Variants in LENG9 observed in about 807,000 individuals in gnomAD.
LENG9 encodes leukocyte receptor cluster member 9.
For missense variants in LENG9, 872 were observed against 652.7 expected, an observed-to-expected ratio of 1.34 and a Z score of -3.66; for synonymous variants, 410 against 303.9, an observed-to-expected ratio of 1.35 and a Z score of -3.63.
In LENG9 at chr19:54,463,203, C is replaced by T. The variant is rs112087281; in HGVS notation, c.324G>A (p.Gln108=). The change falls in exon 1 of 1, where the codon CAG becomes CAA. Residue 108 remains glutamine (Q), a synonymous_variant. Coordinates refer to ENST00000611161, the MANE Select transcript of LENG9 (RefSeq NM_001301782.2). The part of the protein sequence containing the change: ...EEPFSAFCWD[Q]PLAALGPGVL... ...CGCCCGGCCCGAGCGCCGCCAGCGG[C>T]TGGTCCCAGCAAAAGGCGCTGAAGG... is the stretch of plus-strand genomic sequence containing the variant. 1.4e-3 allele frequency: 2,206 copies of T among 1,558,640 alleles called. 25 individuals are homozygous for T. In the African/African-American group the frequency reaches 0.026, roughly 18 times the overall value.
chr19:54,462,733 C>G lies in LENG9; in HGVS notation c.794G>C (p.Gly265Ala). The change falls in exon 1 of 1, where the codon GGC becomes GCC. Residue 265 changes from glycine to alanine, a missense_variant. By Grantham distance (60) the Gly-to-Ala change is moderately conservative. Transcript: ENST00000611161. The part of the protein sequence containing the change: ...KEAQALGVPG[G>A]SAETTEAEWG... Reference sequence around the variant, plus strand: ...CTCGGCTTCTGTCGTCTCAGCGGAGCCCCCCGGGACTCCCAGGGCCTGTGC... The same window carrying G: ...CTCGGCTTCTGTCGTCTCAGCGGAGGCCCCCGGGACTCCCAGGGCCTGTGC... The G allele has an allele frequency of 6.2e-7, 1 of 1,610,528 alleles. No homozygotes were observed. Among genetic ancestry groups the G allele is most frequent in the Non-Finnish European group, 8.5e-7 (1 of 1,179,978 alleles).
rs2084670878 is a variant in LENG9 at position 54,463,519 on chromosome 19, G to A, written c.8C>T (p.Ala3Val). The change falls in exon 1 of 1, where the codon GCG becomes GTG. Residue 3 changes from alanine (A) to valine (V), a missense_variant. Transcript: ENST00000611161. ...CTGCGGCAACTCCGGCTCTCTGGCC[G>A]CTGCCATGGGTGCGGGGAACTGGCA... Reference protein sequence around the residue: MAAAREPELPQEA... With the variant: MAVAREPELPQEA... 2.2e-6 allele frequency: 3 copies of A among 1,359,670 alleles called. No individual in the cohort carries two copies. The highest frequency in any genetic ancestry group is 2.8e-6 in the Non-Finnish European group (3 of 1,053,062). 84.2% of individuals were successfully genotyped at this position (1,359,670 alleles called of 1,614,324 possible).
chr19:54,462,920 G>A lies in LENG9; in HGVS notation c.607C>T (p.Pro203Ser). 6.2e-7 allele frequency: 1 copy of A among 1,612,442 alleles called. No individual in the cohort carries two copies. The highest frequency in any genetic ancestry group is 2.2e-5 in the East Asian group (1 of 44,850). The change falls in exon 1 of 1, where the codon CCA becomes TCA. Residue 203 changes from proline to serine, a missense_variant. Coordinates refer to ENST00000611161, the MANE Select transcript of LENG9 (RefSeq NM_001301782.2). ...TRPLCTGHQE[P>S]GVEEPGELEA... is the part of the protein sequence containing the mutation. ...AGCTCTCCGGGTTCCTCCACGCCTG[G>A]TTCCTGGTGCCCTGTGCAGAGCGGC...
chr19:54,463,753 G>T lies in LENG9; in HGVS notation c.-227C>A. 1.9e-6 allele frequency: 1 copy of T among 523,132 alleles called. No homozygotes were observed. Among genetic ancestry groups the T allele is most frequent in the Non-Finnish European group, 2.9e-6 (1 of 340,814 alleles). The allele number at this position is 523,132 out of a possible 1,614,324, so 32.4% of individuals were successfully genotyped here. A position where few individuals can be genotyped will look rare whatever the true frequency, so the allele number is the denominator to read the frequency against. ...GACTTCCCGGCTGCGCCCTCCCCCA[G>T]CGCCAGGAAAGCAAGCTGCGTAAAG... On this transcript the variant is annotated 5_prime_UTR_variant, in exon 1 of 1. In the 5' UTR this introduces an upstream ATG that the reference lacks. Transcript: ENST00000611161.
At position 54,463,560 on chromosome 19, in the gene LENG9, C is replaced by G; in HGVS notation, c.-34G>C. ...GGAACTGGCACGCCCGCCGCGCAGACGAGGTCGCCCCGCACGGAGGGCGGC... is the reference window on the plus strand; with the variant it reads ...GGAACTGGCACGCCCGCCGCGCAGAGGAGGTCGCCCCGCACGGAGGGCGGC... On this transcript the variant is annotated 5_prime_UTR_variant, in exon 1 of 1. Coordinates refer to ENST00000611161, the MANE Select transcript of LENG9 (RefSeq NM_001301782.2). 3 of 1,376,946 alleles carry G rather than the reference C, an allele frequency of 2.2e-6. No individual in the cohort carries two copies. The highest frequency in any genetic ancestry group is 2.8e-6 in the Non-Finnish European group (3 of 1,060,044). The allele number at this position is 1,376,946 out of a possible 1,614,324, so 85.3% of individuals were successfully genotyped here. A position where few individuals can be genotyped will look rare whatever the true frequency, so the allele number is the denominator to read the frequency against.
Position 54,462,470 on chromosome 19 carries a change from C to T in LENG9, c.1057G>A (p.Glu353Lys). 1.2e-6 allele frequency: 2 copies of T among 1,613,424 alleles called. No individual in the cohort carries two copies. The highest frequency in any genetic ancestry group is 3.3e-5 in the Admixed American group (2 of 60,032). ...CTCAGAGCTCCAATGGCAGCGGCCT[C>T]CTCCCCAGCGCCTGCCAGTCGCAGC... ...ALLRLAGAGE[E>K]AAAIGALRRA... is the part of the protein sequence containing the mutation. The change falls in exon 1 of 1, where the codon GAG becomes AAG. Residue 353 changes from glutamate (E) to lysine (K), a missense_variant. Coordinates refer to ENST00000611161, the MANE Select transcript of LENG9 (RefSeq NM_001301782.2).
In LENG9 at chr19:54,463,059, G is replaced by A. The variant is rs2084647459; in HGVS notation, c.468C>T (p.Pro156=). 6.2e-7 allele frequency: 1 copy of A among 1,601,768 alleles called. No individual in the cohort carries two copies. The highest frequency in any genetic ancestry group is 8.5e-7 in the Non-Finnish European group (1 of 1,179,118). The change falls in exon 1 of 1, where the codon CCC becomes CCT. Residue 156 remains proline (P), a synonymous_variant. Transcript: ENST00000611161. ...CGGTGTTCGGTGCGTCCAGGATGGTGGGCCCGCGTCCCGCCGCCGAGCCAG... is the reference window on the plus strand; with the variant it reads ...CGGTGTTCGGTGCGTCCAGGATGGTAGGCCCGCGTCCCGCCGCCGAGCCAG... ...FGSGSAAGRG[P]TILDAPNTEG... is the part of the protein sequence containing the mutation.
At position 54,462,541 on chromosome 19, in the gene LENG9, G is replaced by C. The variant is rs780184747; in HGVS notation, c.986C>G (p.Ala329Gly). 1.2e-6 allele frequency: 2 copies of C among 1,613,672 alleles called. No individual in the cohort carries two copies. The highest frequency in any genetic ancestry group is 3.3e-5 in the Admixed American group (2 of 60,032). The change falls in exon 1 of 1, where the codon GCC becomes GGC. Residue 329 changes from alanine to glycine, a missense_variant. Transcript: ENST00000611161. ...GTTCTGAGAGGGCACTAGGAAGTTG[G>C]CGCAGTGTGGGGCCACGTGGACCAG... ...EYLVHVAPHC[A>G]NFLVPSQNLH...
chr19:54,462,988 G>C lies in LENG9; in HGVS notation c.539C>G (p.Thr180Arg), dbSNP rs1471850143. The change falls in exon 1 of 1, where the codon ACA (threonine) becomes AGA (arginine). Residue 180 changes from threonine (T) to arginine (R), a missense_variant. Thr to Arg is a moderately conservative substitution (Grantham distance 71). Transcript: ENST00000611161. The part of the protein sequence containing the change: ...AEGAEWTLAG[T>R]GQEAQAAPKR... ...GGGGGCAGCCTGGGCCTCCTGACCT[G>C]TCCCCGCCAGTGTCCACTCGGCACC... The C allele has an allele frequency of 6.2e-7, 1 of 1,603,914 alleles. No homozygotes were observed. Among genetic ancestry groups the C allele is most frequent in the African/African-American group, 1.3e-5 (1 of 75,026 alleles).
At position 54,462,446 on chromosome 19, in the gene LENG9, T is replaced by A. The variant is rs781374579; in HGVS notation, c.1081A>T (p.Arg361Ter). The A allele has an allele frequency of 6.2e-7, 1 of 1,613,544 alleles. No individual in the cohort carries two copies. Among genetic ancestry groups the A allele is most frequent in the South Asian group, 1.1e-5 (1 of 91,082 alleles). The change falls in exon 1 of 1, where the codon AGA (arginine) becomes TGA (stop). Residue 361 changes from arginine (R) to a stop codon, truncating the protein, a stop_gained. Transcript: ENST00000611161. LOFTEE classifies it low-confidence loss of function (END_TRUNC). ...AGCCCCGGGGCCAAGAGGGCCCGTC[T>A]CAGAGCTCCAATGGCAGCGGCCTCC... ...GEEAAAIGAL[R>*]RALLAPGLNA...
In LENG9 at chr19:54,461,802, G is replaced by A. The variant is rs1237993149; in HGVS notation, c.*288C>T. On this transcript the variant is annotated 3_prime_UTR_variant, in exon 1 of 1. Transcript: ENST00000611161. ...CTTCCTCCTCTCCCTTTTCTTTTTG[G>A]CCCTCCCTCCCTCCCTCTTCTGCCA... The A allele has an allele frequency of 4.8e-6, 3 of 624,696 alleles. No individual in the cohort carries two copies. Among genetic ancestry groups the A allele is most frequent in the Non-Finnish European group, 9.2e-6 (3 of 327,312 alleles). The allele number at this position is 624,696 out of a possible 1,614,324, so 38.7% of individuals were successfully genotyped here.
In LENG9 at chr19:54,462,470, C is replaced by G. The variant is rs758182439; in HGVS notation, c.1057G>C (p.Glu353Gln). 1.9e-6 allele frequency: 3 copies of G among 1,613,306 alleles called. No individual in the cohort carries two copies. In the African/African-American group the frequency reaches 4.0e-5, roughly 22 times the overall value. ...CTCAGAGCTCCAATGGCAGCGGCCTCCTCCCCAGCGCCTGCCAGTCGCAGC... is the reference window on the plus strand; with the variant it reads ...CTCAGAGCTCCAATGGCAGCGGCCTGCTCCCCAGCGCCTGCCAGTCGCAGC... ...ALLRLAGAGE[E>Q]AAAIGALRRA... Residue 353 changes from glutamate to glutamine, a missense_variant, in exon 1 of 1, where the codon GAG becomes CAG. Glu to Gln is a conservative substitution (Grantham distance 29). Transcript: ENST00000611161.
rs202206879 is a variant in LENG9, at chr19:54,463,355, C to G, written c.172G>C (p.Gly58Arg). The G allele has an allele frequency of 6.6e-6, 9 of 1,370,636 alleles. No homozygotes were observed. Among genetic ancestry groups the G allele is most frequent in the Non-Finnish European group, 6.6e-6 (7 of 1,064,548 alleles). 84.9% of individuals were successfully genotyped at this position (1,370,636 alleles called of 1,614,324 possible). ...PPGREAQPEA[G>R]AKKPPLRTAA... is the part of the protein sequence containing the mutation. ...GTGCGCAGCGGCGGCTTCTTGGCCC[C>G]GGCCTCCGGCTGCGCCTCGCGGCCA... The change falls in exon 1 of 1, where the codon GGG (glycine) becomes CGG (arginine). Residue 58 changes from glycine to arginine, a missense_variant. Transcript: ENST00000611161.
Position 54,463,580 on chromosome 19 carries a change from G to T in LENG9, c.-54C>A. The T allele has an allele frequency of 7.4e-7, 1 of 1,350,586 alleles. No individual in the cohort carries two copies. The highest frequency in any genetic ancestry group is 1.7e-5 in the South Asian group (1 of 59,532). The allele number at this position is 1,350,586 out of a possible 1,614,324, so 83.7% of individuals were successfully genotyped here. ...GCAGACGAGGTCGCCCCGCACGGAG[G>T]GCGGCTCCCCTTGGATGCACCGAGC... On this transcript the variant is annotated 5_prime_UTR_variant, in exon 1 of 1. Transcript: ENST00000611161.
rs1195150495 is a variant in LENG9 at position 54,462,919 on chromosome 19, G to GTGCACCCACAGGGCACCCAC, written c.607_608insGTGGGTGCCCTGTGGGTGCA (p.Pro203ArgfsTer42). 6.2e-7 allele frequency: 1 copy of GTGCACCCACAGGGCACCCAC among 1,612,448 alleles called. No individual in the cohort carries two copies. The highest frequency in any genetic ancestry group is 1.1e-5 in the South Asian group (1 of 91,082). On this transcript the variant is annotated frameshift_variant, in exon 1 of 1. Transcript: ENST00000611161. LOFTEE classifies it low-confidence loss of function (END_TRUNC). ...CAGCTCTCCGGGTTCCTCCACGCCT[G>GTGCACCCACAGGGCACCCAC]GTTCCTGGTGCCCTGTGCAGAGCGG...
Position 54,463,725 on chromosome 19 carries a change from T to C in LENG9, c.-199A>G. On this transcript the variant is annotated 5_prime_UTR_variant, in exon 1 of 1. Transcript: ENST00000611161. The stretch of plus-strand genomic sequence containing the variant: ...GGTGGAGAGCCTGACACCGCTGCTC[T>C]GGGACTTCCCGGCTGCGCCCTCCCC... 1 of 679,090 alleles carries C rather than the reference T, an allele frequency of 1.5e-6. No individual in the cohort carries two copies. The highest frequency in any genetic ancestry group is 2.1e-6 in the Non-Finnish European group (1 of 479,586). The allele number at this position is 679,090 out of a possible 1,614,324, so 42.1% of individuals were successfully genotyped here.
Position 54,461,880 on chromosome 19 carries a change from T to C in LENG9, c.*210A>G. ...GCAAACAGCTGGACTGTCAGGCTGC[T>C]TTTTTTCCAGATGTTCCTCCTCTGC... On this transcript the variant is annotated 3_prime_UTR_variant, in exon 1 of 1. Coordinates refer to ENST00000611161, the MANE Select transcript of LENG9 (RefSeq NM_001301782.2). 1 of 716,524 alleles carries C rather than the reference T, an allele frequency of 1.4e-6. No homozygotes were observed. The highest frequency in any genetic ancestry group is 2.6e-6 in the Non-Finnish European group (1 of 390,142). 44.4% of individuals were successfully genotyped at this position (716,524 alleles called of 1,614,324 possible). A position where few individuals can be genotyped will look rare whatever the true frequency, so the allele number is the denominator to read the frequency against.
In LENG9 at chr19:54,462,424, C is replaced by T. The variant is rs935120097; in HGVS notation, c.1103G>A (p.Gly368Glu). The T allele has an allele frequency of 9.3e-6, 15 of 1,613,484 alleles. No homozygotes were observed. The South Asian group carries it at 1.2e-4, about 13-fold the overall frequency. ...GCTCAGCCGAGGGGGTGCATTTAGC[C>T]CCGGGGCCAAGAGGGCCCGTCTCAG... ...GALRRALLAPGLNAPPRLSFR... is the reference protein window; with the variant it reads ...GALRRALLAPELNAPPRLSFR... The change falls in exon 1 of 1, where the codon GGG (glycine) becomes GAG (glutamate). Residue 368 changes from glycine to glutamate, a missense_variant. Physicochemically the swap from Gly to Glu is moderately conservative, Grantham distance 98. Transcript: ENST00000611161.
At position 54,462,173 on chromosome 19, in the gene LENG9, G is replaced by A. The variant is rs369357152; in HGVS notation, c.1354C>T (p.Gln452Ter). ...EFTLSQEVGCQPLQTLWLCRI... is the reference protein window; with the variant it reads ...EFTLSQEVGC ...CACAGCCAGAGTGTCTGCAGGGGCTGGCACCCCACTTCCTGGCTGAGGGTG... is the reference window on the plus strand; with the variant it reads ...CACAGCCAGAGTGTCTGCAGGGGCTAGCACCCCACTTCCTGGCTGAGGGTG... The change falls in exon 1 of 1, where the codon CAG (glutamine) becomes TAG (stop). Residue 452 changes from glutamine to a stop codon, truncating the protein, a stop_gained. Transcript: ENST00000611161. LOFTEE classifies it low-confidence loss of function (END_TRUNC). 2.8e-5 allele frequency: 45 copies of A among 1,612,304 alleles called. No homozygotes were observed. The African/African-American group carries it at 5.6e-4, about 20-fold the overall frequency.
Sources: allele counts gnomAD v4.1 joint callset, GRCh38; gene constraint gnomAD v4.1.1; transcripts MANE v1.5; gene names NCBI Gene and HGNC (gene_info 2026-07-23, HGNC 2026-07-21).